PSD3: variants seen among roughly 807,000 people sequenced by gnomAD.
PSD3 encodes pleckstrin and Sec7 domain containing 3, also known as PH and SEC7 domain-containing protein 3.
In PSD3, 49 loss-of-function variants were observed where a neutral mutation model predicts 105.5. The ratio of observed to expected loss-of-function variants is 0.46; its 90% confidence interval spans 0.37 to 0.59. PSD3 has a LOEUF of 0.59. Ranked by LOEUF, PSD3 falls within the 20% of genes least tolerant of loss-of-function variation. The probability of loss-of-function intolerance (pLI) is 0.00; values close to 1 mark genes in which losing one functional copy is unlikely to be tolerated. For synonymous variants in PSD3, 557 were observed against 457.8 expected, an observed-to-expected ratio of 1.22 and a Z score of -2.77; for missense variants, 1,561 against 1,263.8, an observed-to-expected ratio of 1.24 and a Z score of -3.57.
chr8:18,527,674 T>C lies in PSD3; in HGVS notation c.*8069A>G, dbSNP rs1027433196. 6.6e-6 allele frequency: 1 copy of C among 152,652 alleles called. No individual in the cohort carries two copies. The highest frequency in any genetic ancestry group is 6.5e-5 in the Admixed American group (1 of 15,284). 9.5% of individuals were successfully genotyped at this position (152,652 alleles called of 1,614,324 possible). On this transcript the variant is annotated 3_prime_UTR_variant, in exon 16 of 16. Transcript: ENST00000327040. ...TAAACTTAATTGTCAAAATATTCTT[T>C]AAACACTTTAACAATATCCACACAA...
At chr8:18,854,996 G>A (rs1296307347) in intron 4 of PSD3, among the ~76,000 whole-genome samples, 1 of 152,218 alleles carries the variant, frequency 6.6e-6, no homozygotes, top group East Asian at 1.9e-4. Flanking sequence ...ACCAGGGACA[G>A]CAGGAGTTGA....
intron 9 of PSD3, among the ~76,000 whole-genome samples, chr8:18,692,443 G>C (rs1388491792): frequency 1.3e-5 from 2 of 152,150 alleles, no homozygotes; most frequent in Admixed American, 6.5e-5. Context: ...TAGAAAATGA[G>C]GCAGGATCTG....
chr8:18,884,675 C>T (rs995178752), intron 2 of PSD3, among the ~76,000 whole-genome samples: 5 of 151,852 alleles, frequency 3.3e-5, no homozygotes, highest in African/African-American at 1.2e-4. Flanking sequence ...AAGCTTCTAA[C>T]GTGTGCACAC....
chr8:18,544,184 A>AC (rs1800318522), intron 15 of PSD3, among the ~76,000 whole-genome samples: 3 of 51,770 alleles, frequency 5.8e-5, no homozygotes, highest in Admixed American at 3.9e-4. Context: ...AAAAAAAAAA[A>AC]AAAAAAAAAA....
chr8:18,603,883 C>G (rs989571357), intron 11 of PSD3, among the ~76,000 whole-genome samples: 9 of 152,148 alleles, frequency 5.9e-5, no homozygotes, highest in African/African-American at 2.2e-4. Flanking sequence ...TGAGGCCTTC[C>G]CAGAAGCTGA....
intron 8 of PSD3, among the ~76,000 whole-genome samples, chr8:18,786,199 G>A (rs559132773): frequency 2.6e-4 from 39 of 152,096 alleles, no homozygotes; most frequent in South Asian, 6.2e-4. Context: ...GCGAGACTCC[G>A]TTTCAAACAA....
intron 9 of PSD3, among the ~76,000 whole-genome samples, chr8:18,704,765 G>C (rs1474910797): frequency 6.6e-6 from 1 of 151,930 alleles, no homozygotes; most frequent in Non-Finnish European, 1.5e-5. Flanking sequence ...TCTTTGTCCA[G>C]CTTATGATTA....
chr8:18,584,842 G>A (rs1803056859), intron 12 of PSD3, among the ~76,000 whole-genome samples: 1 of 152,158 alleles, frequency 6.6e-6, no homozygotes, highest in African/African-American at 2.4e-5. Flanking sequence ...TACATGGAAC[G>A]GGTATGTAGA....
intron 9 of PSD3, among the ~76,000 whole-genome samples, chr8:18,688,835 C>G (rs1445117020): frequency 6.6e-6 from 1 of 152,166 alleles, no homozygotes; most frequent in Non-Finnish European, 1.5e-5. Context: ...CAGAGACAGC[C>G]GAGCCGGCTT....
chr8:19,046,443 A>C (rs780123626), intron 1 of PSD3, among the ~76,000 whole-genome samples: 13 of 152,040 alleles, frequency 8.6e-5, no homozygotes, highest in Non-Finnish European at 1.9e-4. Context: ...CCTTTTCATC[A>C]TTTTAGCAGC....
At chr8:18,947,669 G>GA (rs927687541) in intron 1 of PSD3, among the ~76,000 whole-genome samples, 24 of 152,282 alleles carry the variant, frequency 1.6e-4, no homozygotes, top group Non-Finnish European at 1.2e-4. Context: ...AGGTTCAAAT[G>GA]AATCTTCCTT....
chr8:18,606,053 T>C (rs1275080840), intron 11 of PSD3, among the ~76,000 whole-genome samples: 1 of 152,026 alleles, frequency 6.6e-6, no homozygotes, highest in East Asian at 2.0e-4. Context: ...ATTTCTACCC[T>C]GAGTCTAAAT....
chr8:18,804,353 T>C, intron 6 of PSD3, 169 bp downstream of exon 6: 1 of 586,164 alleles, frequency 1.7e-6, no homozygotes, highest in East Asian at 3.0e-5. Flanking sequence ...CCTGACAAAA[T>C]CCAAAATCCA....
chr8:19,067,189 T>C (rs1829102147), intron 1 of PSD3, among the ~76,000 whole-genome samples: 1 of 152,222 alleles, frequency 6.6e-6, no homozygotes, highest in Non-Finnish European at 1.5e-5. Flanking sequence ...GTGCCTTCGT[T>C]TGTGAGACAA....
At chr8:18,540,063 A>T (rs932502520) in intron 15 of PSD3, among the ~76,000 whole-genome samples, 1 of 152,162 alleles carries the variant, frequency 6.6e-6, no homozygotes, top group African/African-American at 2.4e-5. Context: ...TATGGTTTAA[A>T]GCAGGCGTGA....
intron 3 of PSD3, among the ~76,000 whole-genome samples, chr8:18,868,526 G>C (rs535314683): frequency 2.3e-4 from 35 of 152,024 alleles, no homozygotes; most frequent in Non-Finnish European, 4.0e-4. Flanking sequence ...AAGGCCAAAT[G>C]CTCTCAAGCA....
At chr8:19,058,622 G>A (rs1828788078) in intron 1 of PSD3, among the ~76,000 whole-genome samples, 1 of 151,904 alleles carries the variant, frequency 6.6e-6, no homozygotes, top group African/African-American at 2.4e-5. Context: ...TACCAGCTAG[G>A]CCCAACTTAA....
intron 1 of PSD3, among the ~76,000 whole-genome samples, chr8:19,065,700 T>C (rs929023056): frequency 1.3e-5 from 2 of 152,182 alleles, no homozygotes; most frequent in African/African-American, 4.8e-5. Flanking sequence ...CATGCCACTC[T>C]TCAGGAACCT....
At chr8:18,920,047 A>G (rs546539493) in intron 2 of PSD3, among the ~76,000 whole-genome samples, 1 of 151,520 alleles carries the variant, frequency 6.6e-6, no homozygotes, top group South Asian at 2.1e-4. Context: ...ACAAAAAAAA[A>G]AAAGTTTCAT....
Sources: gnomAD v4.1 joint callset for allele counts (sites outside exome capture counted in the v4.1 genomes callset) on GRCh38, gnomAD v4.1.1 for gene constraint, MANE v1.5 for transcripts, NCBI Gene and HGNC (gene_info 2026-07-23, HGNC 2026-07-21) for gene names.